The following GNE variants were observed in gnomAD, a reference collection of about 807,000 sequenced individuals.
The protein encoded by GNE is glucosamine (UDP-N-acetyl)-2-epimerase/N-acetylmannosamine kinase.
Under a neutral mutation model 61.8 loss-of-function variants are expected in GNE, and 41 were observed. The observed-to-expected ratio is 0.66, with a 90% CI of 0.52 to 0.86. The LOEUF (loss-of-function observed/expected upper bound fraction) is 0.86, where lower values mean the gene tolerates loss of function less well. Ranked by LOEUF, GNE falls within the 40% of genes least tolerant of loss-of-function variation. The pLI, the probability that GNE is intolerant of heterozygous loss-of-function variation, is 0.00. For missense variants in GNE, 608 were observed against 909.1 expected (o/e 0.67, Z 4.26); for synonymous variants, 264 against 326.4 (o/e 0.81, Z 2.06).
chr9:36,235,928 A>G (rs1225461145), intron 4 of GNE, among the ~76,000 whole-genome samples: 3 of 152,202 alleles, frequency 2.0e-5, no homozygotes, highest in African/African-American at 7.2e-5. Flanking sequence ...ATGTTCTGAC[A>G]TTTCTCATTA....
At position 36,229,096 on chromosome 9, in the gene GNE, A is replaced by G; in HGVS notation, c.995T>C (p.Leu332Pro). 4 of 1,601,594 alleles carry G rather than the reference A, an allele frequency of 2.5e-6. No homozygotes were observed. The highest frequency in any genetic ancestry group is 3.4e-6 in the Non-Finnish European group (4 of 1,168,596). Residue 332 changes from leucine to proline, a missense_variant, in exon 6 of 12, where the codon CTT becomes CCT. Leu to Pro is a moderately conservative substitution (Grantham distance 98, BLOSUM62 -3). Transcript: ENST00000642385. ...QIGRETGENV[L>P]HVRDADTQDK... ...TTGGGTGTCAGCATCCCGGACATGAAGAACATTCTCCCCTAGGTAAAACCA... is the reference window on the plus strand; with the variant it reads ...TTGGGTGTCAGCATCCCGGACATGAGGAACATTCTCCCCTAGGTAAAACCA...
rs769112851 is a variant in GNE, at chr9:36,216,361, A to C, written c.*1004T>G. 3.6e-5 allele frequency: 6 copies of C among 166,126 alleles called. No individual in the cohort carries two copies. Among genetic ancestry groups the C allele is most frequent in the Middle Eastern group, 3.2e-3 (2 of 624 alleles). The allele number at this position is 166,126 out of a possible 1,614,324, so 10.3% of individuals were successfully genotyped here. On this transcript the variant is annotated 3_prime_UTR_variant, in exon 12 of 12. Coordinates refer to ENST00000642385, the MANE Select transcript of GNE (RefSeq NM_005476.7). ...TGTGTGTGTGTGTGTGTGTAGACGG[A>C]GTCTCGCTCTGTCACCCAGGGTGGA...
chr9:36,249,990 A>C (rs2133129423), intron 1 of GNE, among the ~76,000 whole-genome samples: 1 of 152,268 alleles, frequency 6.6e-6, no homozygotes, highest in South Asian at 2.1e-4. Flanking sequence ...GAGTGATATA[A>C]ATCAGCTCTT....
At chr9:36,242,245 T>A (rs1433892945) in intron 3 of GNE, among the ~76,000 whole-genome samples, 1 of 151,906 alleles carries the variant, frequency 6.6e-6, no homozygotes, top group African/African-American at 2.4e-5. Flanking sequence ...TGGATGGCTC[T>A]GCCTCATTGT....
chr9:36,274,115 T>TGAGA (rs1554668232), intron 1 of GNE, among the ~76,000 whole-genome samples: 57 of 144,566 alleles, frequency 3.9e-4, no homozygotes, highest in African/African-American at 1.5e-3. Context: ...TGTGTGTGTG[T>TGAGA]GACAGGGTCT....
chr9:36,275,314 G>A (rs1465275246), intron 1 of GNE, among the ~76,000 whole-genome samples: 1 of 152,040 alleles, frequency 6.6e-6, no homozygotes, highest in Non-Finnish European at 1.5e-5. Context: ...AACCCTATCA[G>A]TTTTACATTT....
intron 11 of GNE, among the ~76,000 whole-genome samples, chr9:36,217,911 A>G (rs2132995330): frequency 6.6e-6 from 1 of 152,222 alleles, no homozygotes; most frequent in East Asian, 1.9e-4. Flanking sequence ...TTTTCTTACA[A>G]CTGTCCTATA....
intron 1 of GNE, among the ~76,000 whole-genome samples, chr9:36,264,294 G>A (rs1285329457): frequency 3.9e-5 from 6 of 151,910 alleles, no homozygotes; most frequent in South Asian, 2.1e-4. Context: ...CACGATGCCC[G>A]GCTAAGTTTT....
chr9:36,222,413 C>A (rs550859007), intron 9 of GNE, among the ~76,000 whole-genome samples: 1 of 104,824 alleles, frequency 9.5e-6, no homozygotes, highest in African/African-American at 3.7e-5. Flanking sequence ...AGCGAGACTC[C>A]GTCTCAAAAA....
chr9:36,239,464 T>G (rs1227324244), intron 3 of GNE, among the ~76,000 whole-genome samples: 1 of 151,790 alleles, frequency 6.6e-6, no homozygotes, highest in African/African-American at 2.4e-5. Flanking sequence ...TATCTTTCTT[T>G]CTTTTTCTCT....
chr9:36,273,286 G>A (rs896723430), intron 1 of GNE, among the ~76,000 whole-genome samples: 57 of 148,850 alleles, frequency 3.8e-4, no homozygotes, highest in Middle Eastern at 3.5e-3. Flanking sequence ...GTGCGATCTC[G>A]GCTCACTGCA....
rs886042195 is a variant in GNE at position 36,218,201 on chromosome 9, G to A, written c.1915C>T (p.Gln639Ter). The change falls in exon 11 of 12, where the codon CAG becomes TAG. Residue 639 changes from glutamine to a stop codon, truncating the protein, a stop_gained. Coordinates refer to ENST00000642385, the MANE Select transcript of GNE (RefSeq NM_005476.7). LOFTEE classifies it high-confidence loss of function. This position sits in a 1 kb window ranked among gnomAD's most constrained non-coding sequence, Gnocchi z 4.1. ...QAAKLGNAKA[Q>*]SILRTAGTAL... Reference sequence around the variant, plus strand: ...TGCTCACCTGTTCTTAGGATGCTCTGGGCCTTCGCATTGCCAAGTTTCGCA... The same window carrying A: ...TGCTCACCTGTTCTTAGGATGCTCTAGGCCTTCGCATTGCCAAGTTTCGCA... 2.5e-6 allele frequency: 4 copies of A among 1,612,802 alleles called. No individual in the cohort carries two copies. Among genetic ancestry groups the A allele is most frequent in the Non-Finnish European group, 3.4e-6 (4 of 1,178,804 alleles).
intron 2 of GNE, among the ~76,000 whole-genome samples, chr9:36,248,122 C>G (rs1462154857): frequency 6.6e-6 from 1 of 151,550 alleles, no homozygotes; most frequent in South Asian, 2.1e-4. Flanking sequence ...GAATTCCCAC[C>G]TTGTTTTTAA....
At position 36,249,241 on chromosome 9, in the gene GNE, A is replaced by G; in HGVS notation, c.115T>C (p.Phe39Leu). ...CCAAGTACCACAACATCAAGTTCAA[A>G]GAACTCAGGTTCGGTTTTAATGCCA... ...MFGIKTEPEFFELDVVVLGSH... is the reference protein window; with the variant it reads ...MFGIKTEPEFLELDVVVLGSH... Residue 39 changes from phenylalanine to leucine, a missense_variant, in exon 2 of 12, where the codon TTT (phenylalanine) becomes CTT (leucine). Physicochemically the swap from Phe to Leu is conservative, Grantham distance 22. Transcript: ENST00000642385. 1 of 1,614,200 alleles carries G rather than the reference A, an allele frequency of 6.2e-7. No homozygotes were observed. Among genetic ancestry groups the G allele is most frequent in the Non-Finnish European group, 8.5e-7 (1 of 1,180,022 alleles).
chr9:36,264,763 T>A (rs1202389303), intron 1 of GNE, among the ~76,000 whole-genome samples: 1 of 152,134 alleles, frequency 6.6e-6, no homozygotes, highest in Non-Finnish European at 1.5e-5. Context: ...GAGAGCTCAC[T>A]AAAATGCCAA....
In GNE at chr9:36,218,317, GA is replaced by G; in HGVS notation, c.1817-19del. 6.3e-7 allele frequency: 1 copy of G among 1,580,550 alleles called. No homozygotes were observed. The highest frequency in any genetic ancestry group is 8.7e-7 in the Non-Finnish European group (1 of 1,149,388). On this transcript the variant is annotated intron_variant, in intron 10 of 11. Coordinates refer to ENST00000642385, the MANE Select transcript of GNE (RefSeq NM_005476.7). The surrounding 1 kb of genome is among the most constrained non-coding windows in gnomAD (Gnocchi z 4.1). ...CAGGTCCTCTGAACAGAGTGAGAAG[GA>G]AAAGCAGTCACTAATGAGCTGTGGG...
chr9:36,264,607 A>G (rs1830708285), intron 1 of GNE, among the ~76,000 whole-genome samples: 1 of 152,114 alleles, frequency 6.6e-6, no homozygotes, highest in South Asian at 2.1e-4. Context: ...AGTTTACTGG[A>G]AAAGAGTATG....
At position 36,246,398 on chromosome 9, in the gene GNE, G is replaced by A; in HGVS notation, c.249C>T (p.Ala83=). ...HTIVRGEDEA[A]MVESVGLALV... ...GGGCCAGGCCTACTGACTCCACCAT[G>A]GCTGCCTCATCTTCTCCCCTCACAA... The change falls in exon 3 of 12, where the codon GCC becomes GCT. Residue 83 remains alanine (A), a synonymous_variant. Transcript: ENST00000642385. 1 of 1,613,760 alleles carries A rather than the reference G, an allele frequency of 6.2e-7. No individual in the cohort carries two copies. The highest frequency in any genetic ancestry group is 8.5e-7 in the Non-Finnish European group (1 of 1,179,724).
chr9:36,229,129 A>G (rs1587300544), intron 5 of GNE, 21 bp from the exon 6 acceptor site: 4 of 1,333,102 alleles, frequency 3.0e-6, no homozygotes, highest in African/African-American at 2.9e-5. Context: ...CCAGTGACAC[A>G]TTACAAGGAT....
Sources: allele counts gnomAD v4.1 joint callset (sites outside exome capture counted in the v4.1 genomes callset), GRCh38; gene constraint gnomAD v4.1.1; non-coding constraint Gnocchi (gnomAD v3.1); transcripts MANE v1.5; gene names NCBI Gene and HGNC (gene_info 2026-07-23, HGNC 2026-07-21).